Variants in PREX2 observed in about 807,000 individuals in gnomAD.
PREX2 encodes phosphatidylinositol 3,4,5-trisphosphate-dependent Rac exchanger 2 protein.
Under a neutral mutation model 203.2 loss-of-function variants are expected in PREX2, and 107 were observed. That is an observed-to-expected ratio of 0.53 (90% CI 0.45 to 0.62). PREX2 has a LOEUF of 0.62. Ranked by LOEUF, PREX2 falls within the 20% of genes least tolerant of loss-of-function variation. PREX2 has a pLI of 0.00. For missense variants in PREX2, 1,777 were observed against 1,955.9 expected (o/e 0.91, Z 1.72); for synonymous variants, 672 against 663.6 (o/e 1.01, Z -0.19).
intron 39 of PREX2, among the ~76,000 whole-genome samples, chr8:68,230,224 G>C (rs1813139411): frequency 6.6e-6 from 1 of 152,176 alleles, no homozygotes; most frequent in African/African-American, 2.4e-5. Flanking sequence ...AAATGTCAAA[G>C]GGAGAGGAAA....
At chr8:68,138,067 G>C (rs17376262) in intron 32 of PREX2, among the ~76,000 whole-genome samples, 1,844 of 152,220 alleles carry the variant, frequency 0.012, 17 homozygotes, top group Middle Eastern at 0.021. Flanking sequence ...TAAGATTTTA[G>C]AAGTTTAGAT....
chr8:67,952,572 C>T (rs373967359), intron 1 of PREX2, 37 bp downstream of exon 1: 544 of 1,590,754 alleles, frequency 3.4e-4, no homozygotes, highest in Non-Finnish European at 3.4e-4. Context: ...GACGTCCGGG[C>T]GGCGCGGGGC....
intron 30 of PREX2, among the ~76,000 whole-genome samples, chr8:68,126,225 A>G (rs1480129159): frequency 6.6e-6 from 1 of 152,072 alleles, no homozygotes; most frequent in East Asian, 1.9e-4. Flanking sequence ...TTTATGAAAT[A>G]TTTTCTAGTC....
intron 11 of PREX2, among the ~76,000 whole-genome samples, chr8:68,061,248 G>T (rs2129611350): frequency 6.6e-6 from 1 of 152,334 alleles, no homozygotes; most frequent in East Asian, 1.9e-4. Flanking sequence ...CCTCACGTGG[G>T]TCCATGGATG....
At chr8:68,071,340 A>G (rs1397468860) in intron 13 of PREX2, among the ~76,000 whole-genome samples, 2 of 152,190 alleles carry the variant, frequency 1.3e-5, no homozygotes, top group African/African-American at 4.8e-5. Flanking sequence ...GTTACTTAGC[A>G]TGAAGAGCCG....
chr8:68,102,895 T>A, intron 23 of PREX2: 1 of 518,186 alleles, frequency 1.9e-6, no homozygotes, highest in South Asian at 1.4e-5. Context: ...TTAAGCGAGA[T>A]GTTTTTCTCT....
intron 1 of PREX2, among the ~76,000 whole-genome samples, chr8:68,011,673 T>C (rs1446892195): frequency 6.6e-6 from 1 of 152,118 alleles, no homozygotes; most frequent in Non-Finnish European, 1.5e-5. Flanking sequence ...AGCAATTGAG[T>C]CAATGTTTTA....
chr8:68,192,540 C>A lies in PREX2; in HGVS notation c.4604+15C>A, dbSNP rs187249571. ...GGTGTGCATCGGTATGTGACCCTCCCGCCTTGCTTGCCTCTTTGTTAGATC... is the reference window on the plus strand; with the variant it reads ...GGTGTGCATCGGTATGTGACCCTCCAGCCTTGCTTGCCTCTTTGTTAGATC... On this transcript the variant is annotated intron_variant, in intron 37 of 39. Coordinates refer to ENST00000288368, the MANE Select transcript of PREX2 (RefSeq NM_024870.4). 6.4e-7 allele frequency: 1 copy of A among 1,570,996 alleles called. No individual in the cohort carries two copies. The highest frequency in any genetic ancestry group is 8.7e-7 in the Non-Finnish European group (1 of 1,155,758).
chr8:67,976,976 G>A (rs1806129978), intron 1 of PREX2, among the ~76,000 whole-genome samples: 2 of 152,196 alleles, frequency 1.3e-5, no homozygotes, highest in Admixed American at 1.3e-4. Context: ...TCACAAAATT[G>A]TGAGCAAAAT....
intron 2 of PREX2, among the ~76,000 whole-genome samples, chr8:68,018,587 G>A (rs1399677157): frequency 1.3e-5 from 2 of 152,056 alleles, no homozygotes; most frequent in Non-Finnish European, 2.9e-5. Context: ...GCAGGGTGTG[G>A]GCAAACGTGA....
At chr8:68,103,207 A>G (rs1810313500) in intron 23 of PREX2, among the ~76,000 whole-genome samples, 1 of 152,172 alleles carries the variant, frequency 6.6e-6, no homozygotes, top group Non-Finnish European at 1.5e-5. Context: ...ACACTGATAT[A>G]TGGACTGGGA....
chr8:68,115,526 T>A (rs1022319729), intron 25 of PREX2, among the ~76,000 whole-genome samples: 3 of 151,102 alleles, frequency 2.0e-5, no homozygotes, highest in African/African-American at 7.4e-5. Context: ...ACAACCTGTA[T>A]TTCAATGAAG....
intron 8 of PREX2, among the ~76,000 whole-genome samples, chr8:68,050,178 A>G (rs569672459): frequency 1.3e-5 from 2 of 152,282 alleles, no homozygotes; most frequent in Non-Finnish European, 2.9e-5. Context: ...ATTTGACACA[A>G]GCTGTTCTTT....
At chr8:68,010,585 A>AT (rs1807229992) in intron 1 of PREX2, among the ~76,000 whole-genome samples, 1 of 152,200 alleles carries the variant, frequency 6.6e-6, no homozygotes, top group Non-Finnish European at 1.5e-5. Context: ...AAGGGCTTTC[A>AT]TTACCTGCAT....
At chr8:68,025,088 G>A (rs193102757) in intron 4 of PREX2, among the ~76,000 whole-genome samples, 1 of 151,666 alleles carries the variant, frequency 6.6e-6, no homozygotes, top group Non-Finnish European at 1.5e-5. Context: ...ACCATCTCTG[G>A]TGCTCTTATT....
chr8:68,195,692 G>C (rs906052096), intron 37 of PREX2, among the ~76,000 whole-genome samples: 1 of 152,078 alleles, frequency 6.6e-6, no homozygotes, highest in Non-Finnish European at 1.5e-5. Context: ...CTGACAGAGG[G>C]GAGAAATTCA....
intron 11 of PREX2, among the ~76,000 whole-genome samples, chr8:68,064,005 T>C (rs1396832911): frequency 6.6e-6 from 1 of 152,232 alleles, no homozygotes; most frequent in East Asian, 1.9e-4. Context: ...ATTGCTATTA[T>C]TGACATTGCA....
At chr8:68,209,803 G>A (rs1187842436) in intron 37 of PREX2, among the ~76,000 whole-genome samples, 1 of 152,154 alleles carries the variant, frequency 6.6e-6, no homozygotes, top group African/African-American at 2.4e-5. Flanking sequence ...TGAGTTTCAA[G>A]GGGTTGTGGC....
chr8:68,047,641 C>G (rs1214098542), intron 8 of PREX2, among the ~76,000 whole-genome samples: 1 of 151,182 alleles, frequency 6.6e-6, no homozygotes, highest in East Asian at 1.9e-4. Flanking sequence ...TCTCTCAACT[C>G]AGCCTCAGTA....
Sources: gnomAD v4.1 joint callset for allele counts (sites outside exome capture counted in the v4.1 genomes callset) on GRCh38, gnomAD v4.1.1 for gene constraint, MANE v1.5 for transcripts, NCBI Gene and HGNC (gene_info 2026-07-23, HGNC 2026-07-21) for gene names.